The following SLC14A2 variants were observed in gnomAD, a reference collection of about 807,000 sequenced individuals.
The protein encoded by SLC14A2 is urea transporter 2.
A neutral mutation model predicts 104.6 loss-of-function variants in SLC14A2; 91 were observed. The ratio of observed to expected loss-of-function variants is 0.87; its 90% CI spans 0.73 to 1.04. The LOEUF (loss-of-function observed/expected upper bound fraction) is 1.04. SLC14A2 is among the 50% of genes least tolerant of loss of function. SLC14A2 has a pLI of 0.00. For synonymous variants in SLC14A2, 476 were observed against 466.4 expected (o/e 1.02, Z -0.27); for missense variants, 1,189 against 1,156.0 (o/e 1.03, Z -0.41).
At chr18:45,370,747 A>G (rs115586194) in intron 1 of SLC14A2, among the ~76,000 whole-genome samples, 3,133 of 152,256 alleles carry the variant, frequency 0.021, 111 homozygotes, top group African/African-American at 0.071. Flanking sequence ...AAGGGAGCAA[A>G]AAGTTCACAG....
intron 1 of SLC14A2, among the ~76,000 whole-genome samples, chr18:45,222,967 C>T (rs1014872061): frequency 1.3e-5 from 2 of 152,128 alleles, no homozygotes; most frequent in African/African-American, 4.8e-5. Context: ...TCAGGCACCC[C>T]ATCAAGACTA....
chr18:45,520,940 G>C (rs73955854), intron 2 of SLC14A2, among the ~76,000 whole-genome samples: 2,131 of 152,248 alleles, frequency 0.014, 44 homozygotes, highest in African/African-American at 0.049. Flanking sequence ...TGGTGATTGG[G>C]TGCTTCCCCA....
chr18:45,433,729 G>T (rs2086554264), intron 1 of SLC14A2, among the ~76,000 whole-genome samples: 1 of 152,244 alleles, frequency 6.6e-6, no homozygotes, highest in Admixed American at 6.5e-5. Context: ...CTAAGAGGAT[G>T]TGAATGTTGC....
chr18:45,420,180 G>A (rs2086326938), intron 1 of SLC14A2, among the ~76,000 whole-genome samples: 1 of 152,178 alleles, frequency 6.6e-6, no homozygotes, highest in South Asian at 2.1e-4. Flanking sequence ...AGTGCTGGCT[G>A]TTGGCAAGAG....
chr18:45,464,951 G>A (rs2087113328), intron 1 of SLC14A2, among the ~76,000 whole-genome samples: 1 of 152,156 alleles, frequency 6.6e-6, no homozygotes, highest in Non-Finnish European at 1.5e-5. Flanking sequence ...CAGCATCATG[G>A]CAGTGAGAAG....
intron 2 of SLC14A2, among the ~76,000 whole-genome samples, chr18:45,625,183 T>C (rs990218363): frequency 6.6e-6 from 1 of 152,216 alleles, no homozygotes; most frequent in Non-Finnish European, 1.5e-5. Flanking sequence ...TGGCCACTGC[T>C]GCAGTAGAGA....
intron 1 of SLC14A2, among the ~76,000 whole-genome samples, chr18:45,413,479 A>G (rs148419038): frequency 1.3e-5 from 2 of 152,280 alleles, no homozygotes; most frequent in Non-Finnish European, 2.9e-5. Context: ...CTATTTTGGC[A>G]TTCTTCAGCT....
At chr18:45,523,111 T>A (rs1211507231) in intron 2 of SLC14A2, among the ~76,000 whole-genome samples, 2 of 152,166 alleles carry the variant, frequency 1.3e-5, no homozygotes, top group Non-Finnish European at 2.9e-5. Flanking sequence ...TTCTCCACTT[T>A]CTCAGCTGGT....
chr18:45,442,932 T>C (rs2086703314), intron 1 of SLC14A2, among the ~76,000 whole-genome samples: 1 of 152,210 alleles, frequency 6.6e-6, no homozygotes. Flanking sequence ...TGGCAGGTGC[T>C]AGGTTGTTGA....
intron 1 of SLC14A2, among the ~76,000 whole-genome samples, chr18:45,241,009 C>T (rs762377359): frequency 6.6e-6 from 1 of 152,140 alleles, no homozygotes; most frequent in Non-Finnish European, 1.5e-5. Context: ...GAACCTGGCT[C>T]TAGAGACTTG....
At chr18:45,431,803 C>T (rs1434098824) in intron 1 of SLC14A2, among the ~76,000 whole-genome samples, 2 of 152,140 alleles carry the variant, frequency 1.3e-5, no homozygotes, top group South Asian at 2.1e-4. Context: ...TGCAAGGGGC[C>T]CATGGTAGCC....
chr18:45,646,934 A>G (rs1376641423), intron 10 of SLC14A2: 1 of 152,218 alleles, frequency 6.6e-6, no homozygotes, highest in East Asian at 1.9e-4. Context: ...GGCTGTACAA[A>G]TGAGAGTGTC....
At chr18:45,565,389 A>T (rs1599011061) in intron 2 of SLC14A2, among the ~76,000 whole-genome samples, 1 of 151,804 alleles carries the variant, frequency 6.6e-6, no homozygotes, top group Non-Finnish European at 1.5e-5. Flanking sequence ...GGATCCCAAA[A>T]TGCTGGGATT....
chr18:45,171,671 A>T, the SLC14A2 span, among the ~76,000 whole-genome samples: 1 of 152,070 alleles, frequency 6.6e-6, no homozygotes, highest in Non-Finnish European at 1.5e-5. Context: ...TGGAACCAGA[A>T]CTCTGATCTA....
intron 1 of SLC14A2, among the ~76,000 whole-genome samples, chr18:45,425,631 C>T (rs1219297699): frequency 3.3e-5 from 5 of 152,202 alleles, no homozygotes; most frequent in Admixed American, 6.5e-5. Context: ...CTGAGATTCA[C>T]TCTGCTGCTA....
intron 2 of SLC14A2, among the ~76,000 whole-genome samples, chr18:45,549,072 C>A (rs183370306): frequency 6.6e-6 from 1 of 152,224 alleles, no homozygotes; most frequent in Non-Finnish European, 1.5e-5. Flanking sequence ...TCCTATGCTG[C>A]CAGTTCCCCT....
At chr18:45,564,528 C>G (rs1461131817) in intron 2 of SLC14A2, among the ~76,000 whole-genome samples, 1 of 152,158 alleles carries the variant, frequency 6.6e-6, no homozygotes, top group Non-Finnish European at 1.5e-5. Flanking sequence ...TACACAAACA[C>G]CTCGCACTGA....
intron 1 of SLC14A2, among the ~76,000 whole-genome samples, chr18:45,249,083 A>T (rs887167730): frequency 1.3e-5 from 2 of 152,216 alleles, no homozygotes; most frequent in African/African-American, 4.8e-5. Context: ...TAGCAAGCAC[A>T]GCACAGGACT....
intron 1 of SLC14A2, among the ~76,000 whole-genome samples, chr18:45,376,869 T>A (rs11659452): frequency 0.45 from 68,467 of 152,058 alleles, 17,033 homozygotes; most frequent in African/African-American, 0.67. Context: ...GATTTTTGGT[T>A]CTTTTCTCTT....
Sources: gnomAD v4.1 joint callset for allele counts (sites outside exome capture counted in the v4.1 genomes callset) on GRCh38, gnomAD v4.1.1 for gene constraint, MANE v1.5 for transcripts, NCBI Gene and HGNC (gene_info 2026-07-23, HGNC 2026-07-21) for gene names.